PMEPA1: variants seen among roughly 807,000 people sequenced by gnomAD.
The protein encoded by PMEPA1 is prostate transmembrane protein, androgen induced 1, also known as protein TMEPAI.
Under a neutral mutation model 23.0 loss-of-function variants are expected in PMEPA1, and 11 were observed. The observed-to-expected ratio is 0.48, with a 90% CI of 0.30 to 0.79. PMEPA1 has a LOEUF of 0.79. Among genes scored for constraint, PMEPA1 ranks in the 30% least tolerant of loss-of-function variants. PMEPA1 has a pLI of 0.06. For synonymous variants in PMEPA1, 204 were observed against 166.4 expected (o/e 1.23, Z -1.74); for missense variants, 377 against 390.9 (o/e 0.96, Z 0.30).
chr20:57,659,420 C>A, intron 2 of PMEPA1, 123 bp downstream of exon 2: 1 of 1,085,028 alleles, frequency 9.2e-7, no homozygotes, highest in African/African-American at 1.6e-5. Flanking sequence ...GGCTCCCCAG[C>A]CCCTGTCTTC....
chr20:57,649,317 G>C lies in PMEPA1; in HGVS notation c.*2736C>G, dbSNP rs1224906798. ...GCAGAGAAGCCGAGAGCTTAACTCT[G>C]GTCGTTTCCAGAGACAACCTGCTGG... On this transcript the variant is annotated 3_prime_UTR_variant, in exon 4 of 4. Transcript: ENST00000341744. 6.6e-6 allele frequency: 1 copy of C among 152,208 alleles called. No homozygotes were observed. Among genetic ancestry groups the C allele is most frequent in the Non-Finnish European group, 1.5e-5 (1 of 68,068 alleles). The allele number at this position is 152,208 out of a possible 1,614,324, so 9.4% of individuals were successfully genotyped here. A position where few individuals can be genotyped will look rare whatever the true frequency, so the allele number is the denominator to read the frequency against.
At chr20:57,701,074 A>G (rs964515286) in intron 1 of PMEPA1, among the ~76,000 whole-genome samples, 16 of 152,134 alleles carry the variant, frequency 1.1e-4, no homozygotes, top group Middle Eastern at 3.2e-3. Flanking sequence ...CAAAAAAAAA[A>G]AGAGAAGAAA....
At chr20:57,663,615 G>A (rs570789404) in intron 1 of PMEPA1, among the ~76,000 whole-genome samples, 2 of 152,362 alleles carry the variant, frequency 1.3e-5, no homozygotes, top group Admixed American at 1.3e-4. Flanking sequence ...AGCATCTAAT[G>A]GAAGACCCTG....
intron 1 of PMEPA1, chr20:57,690,681 C>T (rs1034243239): frequency 1.4e-5 from 11 of 779,756 alleles, no homozygotes; most frequent in African/African-American, 1.8e-5. Flanking sequence ...GGGAAACACT[C>T]GGTGCAGATG....
intron 1 of PMEPA1, among the ~76,000 whole-genome samples, chr20:57,669,582 G>A (rs532990637): frequency 2.0e-5 from 3 of 152,230 alleles, no homozygotes; most frequent in Non-Finnish European, 4.4e-5. Context: ...ACACCACCCT[G>A]GGAAGCACAG....
upstream of PMEPA1, chr20:57,710,728 C>A: frequency 2.2e-6 from 1 of 459,404 alleles, no homozygotes; most frequent in Non-Finnish European, 3.8e-6. Flanking sequence ...GGCGCGGCTG[C>A]GGAGTTCAAA....
chr20:57,675,127 C>T (rs2071618458), intron 1 of PMEPA1, among the ~76,000 whole-genome samples: 1 of 151,942 alleles, frequency 6.6e-6, no homozygotes, highest in Admixed American at 6.6e-5. Flanking sequence ...GAATCTGAGG[C>T]TCGGAGAGGT....
intron 1 of PMEPA1, among the ~76,000 whole-genome samples, chr20:57,676,081 T>C (rs1013642384): frequency 5.3e-5 from 8 of 152,238 alleles, no homozygotes; most frequent in African/African-American, 1.9e-4. Flanking sequence ...TCTGACCAAC[T>C]GTTCTGCGAA....
At chr20:57,703,807 C>T (rs1376433063) in intron 1 of PMEPA1, among the ~76,000 whole-genome samples, 2 of 152,166 alleles carry the variant, frequency 1.3e-5, no homozygotes, top group African/African-American at 4.8e-5. Context: ...AATGGACCAT[C>T]GAGTCCAATC....
Position 57,705,383 on chromosome 20 carries a change from CCAGA to C in PMEPA1, c.109+4087_109+4090del, listed in dbSNP as rs777981235. Among the ~76,000 whole-genome samples the C allele has an allele frequency of 2.7e-4, 41 of 152,270 alleles. 1 individual carries two copies. The highest frequency in any genetic ancestry group is 1.0e-3 in the South Asian group (5 of 4,814). On this transcript the variant is annotated intron_variant, in intron 1 of 3. Transcript: ENST00000341744. Reference sequence around the variant, plus strand: ...CCCCTATTGCACCACAACCTAAAACCCAGACAGTCAGAAAACCTGTGGGTGAAAA... The same window carrying C: ...CCCCTATTGCACCACAACCTAAAACCCAGTCAGAAAACCTGTGGGTGAAAA...
At chr20:57,690,780 C>T (rs1461215634) in intron 1 of PMEPA1, among the ~76,000 whole-genome samples, 1 of 152,182 alleles carries the variant, frequency 6.6e-6, no homozygotes, top group Non-Finnish European at 1.5e-5. Context: ...GCCGTCTACT[C>T]CTCACCCACC....
Position 57,704,666 on chromosome 20 carries a change from C to G in PMEPA1, c.109+4808G>C, listed in dbSNP as rs890617860. 2.0e-5 allele frequency among the ~76,000 whole-genome samples: 3 copies of G among 152,202 alleles called. No homozygotes were observed. The highest frequency in any genetic ancestry group is 7.2e-5 in the African/African-American group (3 of 41,440). The stretch of plus-strand genomic sequence containing the variant: ...GGCCACACCGATCCTCAGGTTTGGA[C>G]CCTGCCACCAGCACCTTCCTCCAAA... On this transcript the variant is annotated intron_variant, in intron 1 of 3. Transcript: ENST00000341744. This position sits in a 1 kb window ranked among gnomAD's most constrained non-coding sequence, Gnocchi z 4.6.
intron 1 of PMEPA1, among the ~76,000 whole-genome samples, chr20:57,692,709 C>T (rs1225226727): frequency 6.6e-6 from 1 of 152,224 alleles, no homozygotes; most frequent in Non-Finnish European, 1.5e-5. Flanking sequence ...AAGCCATGGT[C>T]ACCTGGAGCC....
chr20:57,710,625 GTCGGGGACTGGTGTAT>G, upstream of PMEPA1: 2 of 660,076 alleles, frequency 3.0e-6, no homozygotes, highest in South Asian at 4.3e-5. Context: ...GTAAATAGCT[GTCGGGGACTGGTGTAT>G]TGTCGCCGCC....
Position 57,652,058 on chromosome 20 carries a change from G to C in PMEPA1, c.859C>G (p.Leu287Val). The change falls in exon 4 of 4, where the codon CTC (leucine) becomes GTC (valine). Residue 287 changes from leucine (L) to valine (V), a missense_variant. This residue lies in a region of PMEPA1 where 176 missense variants were observed against 173.0 expected (regional missense o/e 1.02). Transcript: ENST00000341744. This position sits in a 1 kb window ranked among gnomAD's most constrained non-coding sequence, Gnocchi z 6.1. ...GCCCGGCCCCCCTGGGGACCCTAGA[G>C]AGGGTGTCCTTTCTGTTTATCCTTC... ...KEKDKQKGHP[L>V] 6.7e-7 allele frequency: 1 copy of C among 1,494,378 alleles called. No individual in the cohort carries two copies. Among genetic ancestry groups the C allele is most frequent in the Non-Finnish European group, 9.0e-7 (1 of 1,116,628 alleles). 92.6% of individuals were successfully genotyped at this position (1,494,378 alleles called of 1,614,324 possible).
At chr20:57,658,235 C>T (rs938504979) in intron 2 of PMEPA1, among the ~76,000 whole-genome samples, 4 of 152,098 alleles carry the variant, frequency 2.6e-5, no homozygotes, top group African/African-American at 9.7e-5. Context: ...GCTCACAACT[C>T]TGAGAGATCA....
rs1350310558 is a variant in PMEPA1, at chr20:57,709,816, G to T, written c.-234C>A. On this transcript the variant is annotated 5_prime_UTR_variant, in exon 1 of 4. Transcript: ENST00000341744. The stretch of plus-strand genomic sequence containing the variant: ...TCCCCTCGGCAGCCCCGGGGGCGTC[G>T]GCAGTGCCCGCGGGTGGCGTCCGGA... 7.2e-6 allele frequency: 7 copies of T among 977,386 alleles called. No homozygotes were observed. The African/African-American group carries it at 1.2e-4, about 17-fold the overall frequency. The allele number at this position is 977,386 out of a possible 1,614,324, so 60.5% of individuals were successfully genotyped here.
chr20:57,675,860 CCTGTGTCTCCAT>C (rs1408800661), intron 1 of PMEPA1, among the ~76,000 whole-genome samples: 1 of 152,216 alleles, frequency 6.6e-6, no homozygotes, highest in Non-Finnish European at 1.5e-5. Context: ...TGAGTCTTTC[CCTGTGTCTCCAT>C]CTGTATGAGT....
intron 1 of PMEPA1, among the ~76,000 whole-genome samples, chr20:57,663,989 G>A (rs1381935801): frequency 6.6e-6 from 1 of 152,246 alleles, no homozygotes; most frequent in African/African-American, 2.4e-5. Flanking sequence ...ATGGGGTGAG[G>A]AGGCACCTTC....
Sources: gnomAD v4.1 joint callset for allele counts (sites outside exome capture counted in the v4.1 genomes callset) on GRCh38, gnomAD v4.1.1 for gene constraint, gnomAD v4.1.1 regional missense constraint, Gnocchi (gnomAD v3.1) non-coding constraint, MANE v1.5 for transcripts, NCBI Gene and HGNC (gene_info 2026-07-23, HGNC 2026-07-21) for gene names.